The following EIF2AK1 variants were observed in gnomAD, a reference collection of about 807,000 sequenced individuals.
EIF2AK1 encodes the protein eukaryotic translation initiation factor 2-alpha kinase 1.
Under a neutral mutation model 77.9 loss-of-function variants are expected in EIF2AK1, and 54 were observed. The observed-to-expected ratio is 0.69, with a 90% confidence interval of 0.56 to 0.87. EIF2AK1 has a LOEUF of 0.87. Among genes scored for constraint, EIF2AK1 ranks in the 40% least tolerant of loss-of-function variants. The probability of loss-of-function intolerance (pLI) is 0.00; values close to 1 mark genes in which losing one functional copy is unlikely to be tolerated. For synonymous variants in EIF2AK1, 314 were observed against 290.5 expected (o/e 1.08, Z -0.82); for missense variants, 810 against 768.6 (o/e 1.05, Z -0.64).
intron 4 of EIF2AK1, chr7:6,047,831 G>C (rs1247810386): frequency 6.6e-6 from 1 of 152,204 alleles, no homozygotes. Flanking sequence ...TCCAACCTGG[G>C]CTAGTTCACT....
chr7:6,040,913 G>C lies in EIF2AK1; in HGVS notation c.1098C>G (p.Val366=), dbSNP rs1348586024. 1.9e-6 allele frequency: 3 copies of C among 1,614,086 alleles called. No individual in the cohort carries two copies. The South Asian group carries it at 3.3e-5, about 18-fold the overall frequency. ...CTACCTCTGTCTGACCCAAAAAGTT[G>C]ACATTTTCTTCGGAAGATTCTTCGG... is the stretch of plus-strand genomic sequence containing the variant. The part of the protein sequence containing the change: ...TSTEESSEEN[V]NFLGQTEAQY... The change falls in exon 9 of 15, where the codon GTC becomes GTG. Residue 366 remains valine (V), a synonymous_variant. Transcript: ENST00000199389.
At chr7:6,056,404 C>T (rs1788762422) in intron 1 of EIF2AK1, among the ~76,000 whole-genome samples, 1 of 149,726 alleles carries the variant, frequency 6.7e-6, no homozygotes, top group South Asian at 2.1e-4. Flanking sequence ...ACCAGCCTGG[C>T]CAAGATGGTG....
Position 6,032,549 on chromosome 7 carries a change from G to A in EIF2AK1, c.1333-3517C>T, listed in dbSNP as rs1787946073. Reference sequence around the variant, plus strand: ...CAAGTACCCTTAATATCACACCACAGGCTCTTCTGAAGAATCAACTTTCAA... The same window carrying A: ...CAAGTACCCTTAATATCACACCACAAGCTCTTCTGAAGAATCAACTTTCAA... On this transcript the variant is annotated intron_variant, in intron 11 of 14. Coordinates refer to ENST00000199389, the MANE Select transcript of EIF2AK1 (RefSeq NM_014413.4). The surrounding 1 kb of genome is among the most constrained non-coding windows in gnomAD (Gnocchi z 4.3). Among the ~76,000 whole-genome samples, 2 of 152,182 alleles carry A rather than the reference G, an allele frequency of 1.3e-5. No individual in the cohort carries two copies. The highest frequency in any genetic ancestry group is 2.9e-5 in the Non-Finnish European group (2 of 68,040).
intron 2 of EIF2AK1, among the ~76,000 whole-genome samples, chr7:6,053,651 C>G (rs376732517): frequency 2.7e-5 from 4 of 149,540 alleles, no homozygotes; most frequent in African/African-American, 9.8e-5. Context: ...GCGTGAGCCA[C>G]CGCGCCCAGC....
chr7:6,042,737 G>A (rs1397063248), intron 8 of EIF2AK1, among the ~76,000 whole-genome samples, 196 bp downstream of exon 8: 1 of 152,014 alleles, frequency 6.6e-6, no homozygotes, highest in Non-Finnish European at 1.5e-5. Context: ...GTGGTGGCGG[G>A]CACCTATAGT....
intron 9 of EIF2AK1, among the ~76,000 whole-genome samples, chr7:6,040,399 A>G (rs1788262274): frequency 1.3e-5 from 2 of 152,126 alleles, no homozygotes; most frequent in African/African-American, 4.8e-5. Context: ...TGGGGAAAGC[A>G]TGGTGGCAGC....
intron 8 of EIF2AK1, among the ~76,000 whole-genome samples, chr7:6,042,428 G>A (rs1229369309): frequency 6.6e-6 from 1 of 150,846 alleles, no homozygotes; most frequent in Non-Finnish European, 1.5e-5. Context: ...TCCAACCTGG[G>A]CGACAGAGCG....
At chr7:6,025,909 G>C (rs535204169) in intron 14 of EIF2AK1, among the ~76,000 whole-genome samples, 4 of 151,986 alleles carry the variant, frequency 2.6e-5, no homozygotes, top group Admixed American at 1.3e-4. Context: ...CCATGCCTGG[G>C]ATTACAGGCA....
rs1194260812 is a variant in EIF2AK1, at chr7:6,058,381, C to A, written c.118+585G>T. 6 of 292,356 alleles carry A rather than the reference C, an allele frequency of 2.1e-5. 1 individual carries two copies. Among genetic ancestry groups the A allele is most frequent in the South Asian group, 1.4e-4 (5 of 35,964 alleles). 18.1% of individuals were successfully genotyped at this position (292,356 alleles called of 1,614,324 possible). A position where few individuals can be genotyped will look rare whatever the true frequency, so the allele number is the denominator to read the frequency against. The stretch of plus-strand genomic sequence containing the variant: ...GCAATGAGCTATGATTGTGCCACTG[C>A]ACTCCAGCCTGGGTGACACAGCAAG... On this transcript the variant is annotated intron_variant, in intron 1 of 14. Transcript: ENST00000199389.
Position 6,035,298 on chromosome 7 carries a change from C to G in EIF2AK1, c.1332+2126G>C. ...AACCCTGGGATAGCCTGAGAAACTA[C>G]CCAGCGATACAGATTTTGAAACACG... On this transcript the variant is annotated intron_variant, in intron 11 of 14. Transcript: ENST00000199389. This position sits in a 1 kb window ranked among gnomAD's most constrained non-coding sequence, Gnocchi z 5.5. The G allele has an allele frequency of 1.2e-6, 1 of 817,916 alleles. No individual in the cohort carries two copies. The highest frequency in any genetic ancestry group is 2.0e-5 in the South Asian group (1 of 50,356). The allele number at this position is 817,916 out of a possible 1,614,324, so 50.7% of individuals were successfully genotyped here.
At chr7:6,048,709 A>C in intron 4 of EIF2AK1, 98 bp downstream of exon 4, 2 of 1,002,730 alleles carry the variant, frequency 2.0e-6, no homozygotes, top group Non-Finnish European at 3.0e-6. Context: ...GTTCATAAAT[A>C]ATACTAACAA....
chr7:6,046,010 ACT>A, intron 6 of EIF2AK1, 59 bp downstream of exon 6: 1 of 1,150,382 alleles, frequency 8.7e-7, no homozygotes, highest in Non-Finnish European at 1.2e-6. Context: ...TACATGTATA[ACT>A]CTTTCAAAAA....
intron 1 of EIF2AK1, among the ~76,000 whole-genome samples, chr7:6,056,970 C>T (rs1200616140): frequency 6.6e-6 from 1 of 151,990 alleles, no homozygotes; most frequent in Non-Finnish European, 1.5e-5. Context: ...TACTACCACA[C>T]TCTGCTTTTG....
At chr7:6,040,042 GATT>G (rs1788251114) in intron 9 of EIF2AK1, among the ~76,000 whole-genome samples, 1 of 152,112 alleles carries the variant, frequency 6.6e-6, no homozygotes, top group South Asian at 2.1e-4. Context: ...TAACAAGACA[GATT>G]ATGTGTAGAC....
chr7:6,059,039 G>A lies in EIF2AK1; in HGVS notation c.45C>T (p.Gly15=). 2 of 1,513,532 alleles carry A rather than the reference G, an allele frequency of 1.3e-6. No individual in the cohort carries two copies. Among genetic ancestry groups the A allele is most frequent in the Non-Finnish European group, 1.8e-6 (2 of 1,136,252 alleles). The allele number at this position is 1,513,532 out of a possible 1,614,324, so 93.8% of individuals were successfully genotyped here. Residue 15 remains glycine, a synonymous_variant, in exon 1 of 15, where the codon GGC becomes GGT. Transcript: ENST00000199389. ...GCGCAGCCACAGCCCCAGCCCCGTC[G>A]CCCTCCTCTTCGCGCTTGCGGACCC... ...NSGVRKREEE[G]DGAGAVAAPP...
In EIF2AK1 at chr7:6,040,816, GA is replaced by G. The variant is rs1432695512; in HGVS notation, c.1119+75del. ...CAGGGCAGAAGCGCCAGAGCTGAGA[GA>G]GGGCGAGAGAAGGCCACACACCTGC... On this transcript the variant is annotated intron_variant, in intron 9 of 14. Transcript: ENST00000199389. 8.2e-6 allele frequency: 10 copies of G among 1,213,346 alleles called. No individual in the cohort carries two copies. In the African/African-American group the frequency reaches 1.4e-4, roughly 17 times the overall value. The allele number at this position is 1,213,346 out of a possible 1,614,324, so 75.2% of individuals were successfully genotyped here. A position where few individuals can be genotyped will look rare whatever the true frequency, so the allele number is the denominator to read the frequency against.
chr7:6,023,295 C>A lies in EIF2AK1; in HGVS notation c.*1378G>T. The A allele has an allele frequency of 3.3e-5, 51 of 1,538,410 alleles. No homozygotes were observed. The highest frequency in any genetic ancestry group is 1.2e-4 in the East Asian group (5 of 42,424). ...GGTGATGCTACCTGGCGTGTTTTTTCTTTTCAGTGCCGAAGACGCAGATGA... is the reference window on the plus strand; with the variant it reads ...GGTGATGCTACCTGGCGTGTTTTTTATTTTCAGTGCCGAAGACGCAGATGA... On this transcript the variant is annotated 3_prime_UTR_variant, in exon 15 of 15. Coordinates refer to ENST00000199389, the MANE Select transcript of EIF2AK1 (RefSeq NM_014413.4).
intron 14 of EIF2AK1, among the ~76,000 whole-genome samples, chr7:6,025,038 C>T (rs569070063): frequency 6.6e-6 from 1 of 152,060 alleles, no homozygotes; most frequent in South Asian, 2.1e-4. Flanking sequence ...GAGGTTTCGC[C>T]ATGTTGGCCA....
In EIF2AK1 at chr7:6,034,636, T is replaced by A. The variant is rs576906064; in HGVS notation, c.1332+2788A>T. 3.9e-5 allele frequency among the ~76,000 whole-genome samples: 6 copies of A among 152,374 alleles called. No homozygotes were observed. The South Asian group carries it at 6.2e-4, about 16-fold the overall frequency. On this transcript the variant is annotated intron_variant, in intron 11 of 14. Transcript: ENST00000199389. ...CCCTACAAAGGTAGGGGCCACCTGC[T>A]GTTTCACCATATCCATAGCCTAGGG...
Sources: gnomAD v4.1 joint callset for allele counts (sites outside exome capture counted in the v4.1 genomes callset) on GRCh38, gnomAD v4.1.1 for gene constraint, Gnocchi (gnomAD v3.1) non-coding constraint, MANE v1.5 for transcripts, NCBI Gene and HGNC (gene_info 2026-07-23, HGNC 2026-07-21) for gene names.